TCEANC2: variants seen among roughly 807,000 people sequenced by gnomAD.
TCEANC2 encodes transcription elongation factor A N-terminal and central domain-containing protein 2.
A neutral mutation model predicts 22.8 loss-of-function variants in TCEANC2; 20 were observed. The ratio of observed to expected loss-of-function variants is 0.88; its 90% CI spans 0.62 to 1.28. The LOEUF (loss-of-function observed/expected upper bound fraction) is 1.28, where lower values mean the gene tolerates loss of function less well. Ranked by LOEUF, TCEANC2 falls within the 50% of genes most tolerant of loss-of-function variation. TCEANC2 has a pLI of 0.00. For synonymous variants in TCEANC2, 84 were observed against 95.5 expected (o/e 0.88, Z 0.70); for missense variants, 251 against 249.7 (o/e 1.01, Z -0.03).
rs968901093 is a variant in TCEANC2, at chr1:54,097,661, C to T, written c.*1188C>T. The T allele has an allele frequency of 6.6e-6, 1 of 152,178 alleles. No homozygotes were observed. Among genetic ancestry groups the T allele is most frequent in the Non-Finnish European group, 1.5e-5 (1 of 68,030 alleles). 9.4% of individuals were successfully genotyped at this position (152,178 alleles called of 1,614,324 possible). A position where few individuals can be genotyped will look rare whatever the true frequency, so the allele number is the denominator to read the frequency against. On this transcript the variant is annotated 3_prime_UTR_variant, in exon 5 of 5. Coordinates refer to ENST00000234827, the MANE Select transcript of TCEANC2 (RefSeq NM_153035.3). ...TATAGTTTTGTAAAAATATTGCTTA[C>T]TTCTCTCACCCATTGTATTAAGTAG...
intron 2 of TCEANC2, 105 bp downstream of exon 2, chr1:54,054,629 T>A: frequency 8.6e-7 from 1 of 1,162,614 alleles, no homozygotes; most frequent in Non-Finnish European, 1.2e-6. Context: ...TTGTTATGCC[T>A]CCTCCTCAAA....
chr1:54,063,375 GTGTACA>G, intron 2 of TCEANC2, among the ~76,000 whole-genome samples: 1 of 152,312 alleles, frequency 6.6e-6, no homozygotes, highest in South Asian at 2.1e-4. Flanking sequence ...GCATGAATAT[GTGTACA>G]GTCATCTCTC....
At chr1:54,108,971 CA>C (rs113895114), downstream of TCEANC2, among the ~76,000 whole-genome samples, 34 of 148,278 alleles carry the variant, frequency 2.3e-4, no homozygotes, top group African/African-American at 6.7e-4. Context: ...GACTCCGTCC[CA>C]AAAAAAAAAG....
At chr1:54,070,414 G>A (rs561601537) in intron 3 of TCEANC2, among the ~76,000 whole-genome samples, 2 of 151,950 alleles carry the variant, frequency 1.3e-5, no homozygotes, top group Non-Finnish European at 2.9e-5. Context: ...ATAATAGGCC[G>A]GATTTGAAGG....
At chr1:54,061,336 A>G (rs1657851396) in intron 2 of TCEANC2, among the ~76,000 whole-genome samples, 2 of 152,212 alleles carry the variant, frequency 1.3e-5, no homozygotes, top group Admixed American at 1.3e-4. Context: ...CATGATTATT[A>G]TGAGAGTGAA....
chr1:54,077,234 T>C (rs1240329895), intron 3 of TCEANC2, among the ~76,000 whole-genome samples: 1 of 152,212 alleles, frequency 6.6e-6, no homozygotes, highest in Non-Finnish European at 1.5e-5. Flanking sequence ...TGGCTCGCTC[T>C]TTCTGCTTTC....
chr1:54,072,504 C>A (rs1658075541), intron 3 of TCEANC2, among the ~76,000 whole-genome samples: 1 of 151,990 alleles, frequency 6.6e-6, no homozygotes, highest in Non-Finnish European at 1.5e-5. Flanking sequence ...TCCAGCAATT[C>A]TCCTGCCTCA....
chr1:54,089,123 G>T (rs1252937655), intron 4 of TCEANC2, among the ~76,000 whole-genome samples: 1 of 152,178 alleles, frequency 6.6e-6, no homozygotes, highest in Non-Finnish European at 1.5e-5. Context: ...TTCTTAATCT[G>T]TAAAATGTGG....
At chr1:54,108,720 C>G (rs191994314), downstream of TCEANC2, among the ~76,000 whole-genome samples, 9 of 152,336 alleles carry the variant, frequency 5.9e-5, no homozygotes, top group Non-Finnish European at 1.2e-4. Flanking sequence ...TGCCTGTAAT[C>G]CCAGCACTTT....
At chr1:54,107,999 G>A (rs996606509), downstream of TCEANC2, among the ~76,000 whole-genome samples, 1 of 152,208 alleles carries the variant, frequency 6.6e-6, no homozygotes, top group Non-Finnish European at 1.5e-5. Context: ...TAGACCCTTA[G>A]TCCTTAATGG....
intron 2 of TCEANC2, among the ~76,000 whole-genome samples, chr1:54,062,935 A>T (rs1318402349): frequency 6.6e-6 from 1 of 152,196 alleles, no homozygotes; most frequent in Non-Finnish European, 1.5e-5. Context: ...TCTGATGTGG[A>T]ACTCTTAACC....
At chr1:54,060,319 T>G (rs1657828944) in intron 2 of TCEANC2, among the ~76,000 whole-genome samples, 1 of 151,742 alleles carries the variant, frequency 6.6e-6, no homozygotes, top group Non-Finnish European at 1.5e-5. Flanking sequence ...GCAGAAGAAT[T>G]GCTTGAACCT....
At chr1:54,095,334 C>G (rs1405180811) in intron 4 of TCEANC2, among the ~76,000 whole-genome samples, 1 of 151,866 alleles carries the variant, frequency 6.6e-6, no homozygotes, top group Non-Finnish European at 1.5e-5. Flanking sequence ...GCTAAGGGAA[C>G]ATGTGCTGGT....
At chr1:54,089,389 A>G (rs1658399991) in intron 4 of TCEANC2, among the ~76,000 whole-genome samples, 1 of 152,220 alleles carries the variant, frequency 6.6e-6, no homozygotes, top group Admixed American at 6.5e-5. Flanking sequence ...GCTTTAAGGC[A>G]TAAAATCAAT....
chr1:54,058,681 A>C (rs879600321), intron 2 of TCEANC2, among the ~76,000 whole-genome samples: 2 of 151,992 alleles, frequency 1.3e-5, no homozygotes, highest in Admixed American at 6.6e-5. Flanking sequence ...GTTTGACATG[A>C]AGTCTCACTC....
At chr1:54,093,195 T>C (rs74574491) in intron 4 of TCEANC2, among the ~76,000 whole-genome samples, 1 of 152,116 alleles carries the variant, frequency 6.6e-6, no homozygotes, top group Non-Finnish European at 1.5e-5. Context: ...CTCCCAGTGT[T>C]CCTATCCTCA....
At chr1:54,085,313 A>C (rs765478265) in intron 3 of TCEANC2, among the ~76,000 whole-genome samples, 2 of 152,224 alleles carry the variant, frequency 1.3e-5, no homozygotes, top group Non-Finnish European at 2.9e-5. Flanking sequence ...GTGGAGAATA[A>C]AGGAATCAAA....
Position 54,098,038 on chromosome 1 carries a change from G to C in TCEANC2, c.*1565G>C, listed in dbSNP as rs1425152420. 6.6e-6 allele frequency: 1 copy of C among 152,202 alleles called. No individual in the cohort carries two copies. The highest frequency in any genetic ancestry group is 1.5e-5 in the Non-Finnish European group (1 of 68,044). 9.4% of individuals were successfully genotyped at this position (152,202 alleles called of 1,614,324 possible). On this transcript the variant is annotated 3_prime_UTR_variant, in exon 5 of 5. Transcript: ENST00000234827. ...AATCCGGGTCTATTTGATTGTATAT[G>C]GTTGCCTTGGATGATTTCATCTACT...
intron 3 of TCEANC2, among the ~76,000 whole-genome samples, chr1:54,072,630 C>T (rs181175776): frequency 1.0e-3 from 153 of 152,150 alleles, no homozygotes; most frequent in African/African-American, 3.3e-3. Context: ...CTCTTGACCT[C>T]GTGATCTGCC....
Sources: allele counts gnomAD v4.1 joint callset (sites outside exome capture counted in the v4.1 genomes callset), GRCh38; gene constraint gnomAD v4.1.1; transcripts MANE v1.5; gene names NCBI Gene and HGNC (gene_info 2026-07-23, HGNC 2026-07-21).